The following DACH2 variants were observed in gnomAD, a reference collection of about 807,000 sequenced individuals.
DACH2 encodes dachshund family transcription factor 2.
DACH2 carries 17 observed loss-of-function variants against 35.8 expected under a neutral mutation model. The ratio of observed to expected loss-of-function variants is 0.48; its 90% confidence interval spans 0.33 to 0.71. The LOEUF is 0.71. Among genes scored for constraint, DACH2 ranks in the 30% least tolerant of loss-of-function variants. The probability of loss-of-function intolerance (pLI) is 0.02; values close to 1 mark genes in which losing one functional copy is unlikely to be tolerated. For synonymous variants in DACH2, 195 were observed against 177.3 expected (o/e 1.10, Z -0.79); for missense variants, 469 against 472.7 (o/e 0.99, Z 0.07).
chrX:86,815,892 A>T, intron 10 of DACH2, 142 bp from the exon 11 acceptor site: 1 of 332,173 alleles, frequency 3.0e-6, no homozygotes, highest in East Asian at 4.8e-5. Flanking sequence ...ATTAAAAACA[A>T]ACAGACATAC....
In DACH2 at chrX:86,391,442, C is replaced by T. The variant is rs372451477; in HGVS notation, c.527+14580C>T. Among the ~76,000 whole-genome samples, 38 of 109,105 alleles carry T rather than the reference C, an allele frequency of 3.5e-4. No homozygotes were observed. In the East Asian group the frequency reaches 3.8e-3, roughly 11 times the overall value. 94.7% of individuals were successfully genotyped at this position (109,105 alleles called of 115,157 possible). ...TTATAAGGGGTTGTAGAAACACCAA[C>T]TATTTGAAATATTGAATATAAAATA... is the stretch of plus-strand genomic sequence containing the variant. On this transcript the variant is annotated intron_variant, in intron 2 of 11. Coordinates refer to ENST00000373125, the MANE Select transcript of DACH2 (RefSeq NM_053281.3).
At chrX:86,231,276 C>T (rs972605131) in intron 1 of DACH2, among the ~76,000 whole-genome samples, 2 of 112,352 alleles carry the variant, frequency 1.8e-5, no homozygotes, top group Non-Finnish European at 3.8e-5. Flanking sequence ...TGGCACTTTC[C>T]AAAAAGCATC....
At chrX:86,189,772 A>T (rs1395468785) in intron 1 of DACH2, among the ~76,000 whole-genome samples, 1 of 111,899 alleles carries the variant, frequency 8.9e-6, no homozygotes, top group Non-Finnish European at 1.9e-5. Context: ...ACATCTTAAA[A>T]ATGAAATTTA....
chrX:86,203,816 G>A (rs1199744688), intron 1 of DACH2, among the ~76,000 whole-genome samples: 1 of 111,133 alleles, frequency 9.0e-6, no homozygotes, highest in Non-Finnish European at 1.9e-5. Context: ...ACTAATCTGG[G>A]GAGTAAAAGA....
intron 3 of DACH2, among the ~76,000 whole-genome samples, chrX:86,580,226 C>A (rs1239306551): frequency 9.0e-6 from 1 of 111,684 alleles, no homozygotes; most frequent in Non-Finnish European, 1.9e-5. Flanking sequence ...TTTTTAAAAT[C>A]CCATTCAAAG....
At chrX:86,789,639 T>C (rs1602952383) in intron 7 of DACH2, among the ~76,000 whole-genome samples, 1 of 111,964 alleles carries the variant, frequency 8.9e-6, no homozygotes, top group African/African-American at 3.2e-5. Context: ...CTAGATAACA[T>C]GATATAGCTC....
intron 1 of DACH2, among the ~76,000 whole-genome samples, chrX:86,249,866 C>A (rs1018963620): frequency 4.5e-5 from 5 of 111,819 alleles, no homozygotes; most frequent in African/African-American, 1.6e-4. Context: ...GATTACTACA[C>A]AACCATAATA....
chrX:86,637,168 C>T (rs1166751624), intron 3 of DACH2, among the ~76,000 whole-genome samples: 4 of 78,832 alleles, frequency 5.1e-5, no homozygotes, highest in Non-Finnish European at 9.2e-5. Flanking sequence ...CAATGACATA[C>T]CACGTAGCAT....
chrX:86,782,581 GAAAACCCAGA>G (rs1197805210), intron 7 of DACH2, among the ~76,000 whole-genome samples: 1 of 111,556 alleles, frequency 9.0e-6, no homozygotes, highest in Non-Finnish European at 1.9e-5. Flanking sequence ...GAACTGAATA[GAAAACCCAGA>G]AACAAATTCA....
chrX:86,764,474 C>T (rs1377414606), intron 7 of DACH2, among the ~76,000 whole-genome samples: 1 of 111,395 alleles, frequency 9.0e-6, no homozygotes, highest in Non-Finnish European at 1.9e-5. Flanking sequence ...GTGTTAACAT[C>T]GAGTATTTAT....
chrX:86,483,134 A>T (rs1256054669), intron 2 of DACH2, among the ~76,000 whole-genome samples: 2 of 106,039 alleles, frequency 1.9e-5, no homozygotes, highest in Non-Finnish European at 3.8e-5. Flanking sequence ...AACTTAAAGT[A>T]TAATAATAAA....
intron 3 of DACH2, among the ~76,000 whole-genome samples, chrX:86,543,086 T>C (rs1048483255): frequency 7.2e-5 from 8 of 111,343 alleles, no homozygotes; most frequent in Non-Finnish European, 1.3e-4. Flanking sequence ...GACAGAGGCA[T>C]TAAGACTGGT....
intron 3 of DACH2, among the ~76,000 whole-genome samples, chrX:86,546,357 C>CCTTCTTCTTCTTCTTCTTCT (rs2038959224): frequency 6.0e-5 from 3 of 50,073 alleles, no homozygotes. Flanking sequence ...CTTCTTCTTC[C>CCTTCTTCTTCTTCTTCTTCT]TCTTCTTCTT....
intron 3 of DACH2, among the ~76,000 whole-genome samples, chrX:86,599,524 GTCTC>G (rs1441052792): frequency 2.4e-4 from 4 of 16,424 alleles, no homozygotes; most frequent in Non-Finnish European, 4.5e-4. Context: ...CTTTCAAAGA[GTCTC>G]TCTCTGTCAA....
At chrX:86,194,092 A>T (rs996153052) in intron 1 of DACH2, among the ~76,000 whole-genome samples, 1 of 110,381 alleles carries the variant, frequency 9.1e-6, no homozygotes, top group African/African-American at 3.3e-5. Context: ...TGATGGAAAT[A>T]TTTTTAATTC....
At chrX:86,566,900 A>C (rs745954563) in intron 3 of DACH2, among the ~76,000 whole-genome samples, 9 of 112,115 alleles carry the variant, frequency 8.0e-5, no homozygotes, top group African/African-American at 1.6e-4. Context: ...ATGAAAGACA[A>C]AGCTGGAATT....
intron 1 of DACH2, among the ~76,000 whole-genome samples, chrX:86,258,934 G>A (rs1396697317): frequency 1.8e-5 from 2 of 111,657 alleles, no homozygotes; most frequent in Non-Finnish European, 3.8e-5. Flanking sequence ...GCTGAGTTGA[G>A]GAGACTTTGG....
At chrX:86,610,621 G>GT (rs1404193472) in intron 3 of DACH2, among the ~76,000 whole-genome samples, 12 of 108,292 alleles carry the variant, frequency 1.1e-4, no homozygotes, top group East Asian at 8.8e-4. Flanking sequence ...TAATTTTTGT[G>GT]TTTTTTTGTA....
At chrX:86,344,368 A>G (rs745924629) in intron 1 of DACH2, among the ~76,000 whole-genome samples, 1 of 106,973 alleles carries the variant, frequency 9.3e-6, no homozygotes, top group East Asian at 3.0e-4. Flanking sequence ...TGAAATACGC[A>G]TTATGCTGAA....
Sources: gnomAD v4.1 joint callset for allele counts (sites outside exome capture counted in the v4.1 genomes callset) on GRCh38, gnomAD v4.1.1 for gene constraint, MANE v1.5 for transcripts, NCBI Gene and HGNC (gene_info 2026-07-23, HGNC 2026-07-21) for gene names.